Variants in TAFA1 observed in about 807,000 individuals in gnomAD.
TAFA1 encodes chemokine-like protein TAFA-1.
In TAFA1, 4 loss-of-function variants were observed where a neutral mutation model predicts 18.5. That is an observed-to-expected ratio of 0.22 (90% CI 0.11 to 0.49). TAFA1 has a LOEUF of 0.49. TAFA1 is among the 20% of genes least tolerant of loss of function. TAFA1 has a pLI of 0.98. For synonymous variants in TAFA1, 56 were observed against 55.2 expected (o/e 1.01, Z -0.06); for missense variants, 147 against 169.0 (o/e 0.87, Z 0.72).
intron 3 of TAFA1, among the ~76,000 whole-genome samples, chr3:68,498,072 A>G (rs537017864): frequency 8.7e-4 from 132 of 152,262 alleles, no homozygotes; most frequent in Non-Finnish European, 1.7e-3. Flanking sequence ...AGCTTGAGGC[A>G]CTTGGTATTG....
intron 2 of TAFA1, among the ~76,000 whole-genome samples, chr3:68,261,728 G>A (rs889299586): frequency 6.6e-6 from 1 of 152,098 alleles, no homozygotes; most frequent in African/African-American, 2.4e-5. Context: ...AGAACACATG[G>A]ATACAGGAAG....
chr3:68,316,126 T>C (rs1413558799), intron 2 of TAFA1, among the ~76,000 whole-genome samples: 1 of 152,190 alleles, frequency 6.6e-6, no homozygotes, highest in Non-Finnish European at 1.5e-5. Flanking sequence ...AGGGATTCAC[T>C]GGCCTAAGCT....
At chr3:68,342,422 G>C (rs755312530) in intron 2 of TAFA1, among the ~76,000 whole-genome samples, 3 of 152,156 alleles carry the variant, frequency 2.0e-5, no homozygotes, top group African/African-American at 4.8e-5. Context: ...TCCCATATCA[G>C]TGCAGCAAGA....
chr3:68,027,617 T>G (rs1417409019), intron 2 of TAFA1, among the ~76,000 whole-genome samples: 1 of 152,230 alleles, frequency 6.6e-6, no homozygotes, highest in Non-Finnish European at 1.5e-5. Flanking sequence ...ATTTCACACA[T>G]GCCACCGTGA....
At chr3:68,458,007 G>A (rs1397247) in intron 3 of TAFA1, among the ~76,000 whole-genome samples, 1 of 151,940 alleles carries the variant, frequency 6.6e-6, no homozygotes, top group Admixed American at 6.6e-5. Context: ...ACATTTTAAT[G>A]ATCTGGTGAT....
At chr3:68,071,174 A>G (rs796191313) in intron 2 of TAFA1, among the ~76,000 whole-genome samples, 3 of 152,358 alleles carry the variant, frequency 2.0e-5, no homozygotes, top group African/African-American at 7.2e-5. Context: ...GGGTTTAATG[A>G]ACTTACAGTT....
At chr3:68,149,702 C>T (rs2118594) in intron 2 of TAFA1, among the ~76,000 whole-genome samples, 29,916 of 152,230 alleles carry the variant, frequency 0.2, 3,100 homozygotes, top group East Asian at 0.36. Flanking sequence ...GATTAGACTC[C>T]ACCTCCAGCT....
chr3:68,237,388 A>G (rs1164107190), intron 2 of TAFA1, among the ~76,000 whole-genome samples: 1 of 152,162 alleles, frequency 6.6e-6, no homozygotes, highest in South Asian at 2.1e-4. Flanking sequence ...ATTTCAACAT[A>G]TGAATTTGGA....
intron 2 of TAFA1, among the ~76,000 whole-genome samples, chr3:68,388,110 C>A (rs1182015285): frequency 6.6e-6 from 1 of 152,054 alleles, no homozygotes; most frequent in Non-Finnish European, 1.5e-5. Flanking sequence ...ACGTAAAATT[C>A]CTCTTGTTTT....
chr3:68,352,821 T>C (rs903840793), intron 2 of TAFA1, among the ~76,000 whole-genome samples: 3 of 151,944 alleles, frequency 2.0e-5, no homozygotes, highest in South Asian at 2.1e-4. Context: ...GGTCAGGAGT[T>C]GGGAAGAAGA....
chr3:68,494,410 TCTC>T (rs1305055301), intron 3 of TAFA1, among the ~76,000 whole-genome samples: 6 of 152,330 alleles, frequency 3.9e-5, no homozygotes, highest in African/African-American at 1.2e-4. Context: ...CTGGTATCAT[TCTC>T]CTCTTTTTTC....
At chr3:68,212,912 G>A (rs754513752) in intron 2 of TAFA1, among the ~76,000 whole-genome samples, 22 of 151,994 alleles carry the variant, frequency 1.4e-4, no homozygotes, top group African/African-American at 4.3e-4. Flanking sequence ...TGTAGCCCAC[G>A]GTCCCAGCCA....
At chr3:68,322,003 C>A (rs2068703319) in intron 2 of TAFA1, among the ~76,000 whole-genome samples, 1 of 152,144 alleles carries the variant, frequency 6.6e-6, no homozygotes, top group Admixed American at 6.6e-5. Flanking sequence ...TTTCCCACAG[C>A]TGCATGTACA....
At chr3:68,286,903 C>T (rs190579414) in intron 2 of TAFA1, among the ~76,000 whole-genome samples, 3 of 152,208 alleles carry the variant, frequency 2.0e-5, no homozygotes, top group African/African-American at 7.2e-5. Flanking sequence ...GCCAGGCCCC[C>T]TGACATCAAG....
chr3:68,106,160 C>CA (rs939253628), intron 2 of TAFA1, among the ~76,000 whole-genome samples: 2,108 of 149,220 alleles, frequency 0.014, 46 homozygotes, highest in African/African-American at 0.045. Context: ...AATTCATATG[C>CA]AAAAAAAAAA....
chr3:68,071,213 T>C (rs1484044178), intron 2 of TAFA1, among the ~76,000 whole-genome samples: 1 of 152,246 alleles, frequency 6.6e-6, no homozygotes, highest in Admixed American at 6.5e-5. Context: ...CTCTCAATCA[T>C]GGCAGAAGCC....
chr3:68,491,461 A>G (rs888397250), intron 3 of TAFA1, among the ~76,000 whole-genome samples: 2 of 145,102 alleles, frequency 1.4e-5, no homozygotes, highest in African/African-American at 5.1e-5. Context: ...AACACCGCAT[A>G]TTCTCACTCA....
At chr3:68,495,543 A>C (rs2015578) in intron 3 of TAFA1, among the ~76,000 whole-genome samples, 28,597 of 152,022 alleles carry the variant, frequency 0.19, 2,812 homozygotes, top group Non-Finnish European at 0.21. Context: ...CCTTACATTT[A>C]AAAGTCGGCA....
chr3:68,376,639 G>C (rs262197), intron 2 of TAFA1, among the ~76,000 whole-genome samples: 95,458 of 151,986 alleles, frequency 0.63, 30,774 homozygotes, highest in East Asian at 1. Context: ...ACCACATCTT[G>C]TTTATCCAGT....
Sources: allele counts gnomAD v4.1 joint callset (sites outside exome capture counted in the v4.1 genomes callset), GRCh38; gene constraint gnomAD v4.1.1; transcripts MANE v1.5; gene names NCBI Gene and HGNC (gene_info 2026-07-23, HGNC 2026-07-21).